Variants in RNGTT observed in about 807,000 individuals in gnomAD.
RNGTT encodes the protein RNA guanylyltransferase and 5'-phosphatase, also known as mRNA-capping enzyme.
RNGTT carries 33 observed loss-of-function variants against 79.3 expected under a neutral mutation model. That is an observed-to-expected ratio of 0.42 (90% confidence interval 0.32 to 0.56). The LOEUF (loss-of-function observed/expected upper bound fraction) is 0.56. Among genes scored for constraint, RNGTT ranks in the 20% least tolerant of loss-of-function variants. The probability of loss-of-function intolerance (pLI) is 0.17; values close to 1 mark genes in which losing one functional copy is unlikely to be tolerated. For synonymous variants in RNGTT, 222 were observed against 235.9 expected (o/e 0.94, Z 0.54); for missense variants, 497 against 739.1 (o/e 0.67, Z 3.80).
intron 11 of RNGTT, among the ~76,000 whole-genome samples, chr6:88,823,221 G>A (rs1162558125): frequency 6.6e-6 from 1 of 152,142 alleles, no homozygotes; most frequent in African/African-American, 2.4e-5. Flanking sequence ...AAGGTCAGGA[G>A]TTCGAGACCA....
chr6:88,614,589 G>A (rs897429741), intron 14 of RNGTT, among the ~76,000 whole-genome samples, 194 bp from the exon 15 acceptor site: 2 of 152,124 alleles, frequency 1.3e-5, no homozygotes, highest in African/African-American at 4.8e-5. Flanking sequence ...TCACTTATCC[G>A]ACATTTTATA....
At chr6:88,877,523 G>A (rs1782555701) in intron 8 of RNGTT, among the ~76,000 whole-genome samples, 1 of 152,110 alleles carries the variant, frequency 6.6e-6, no homozygotes, top group Admixed American at 6.6e-5. Flanking sequence ...AGTTTCCTAT[G>A]ATGGTAGCGC....
rs553444085 is a variant in RNGTT at position 88,937,499 on chromosome 6, C to A, written c.174+3572G>T. 3.9e-5 allele frequency among the ~76,000 whole-genome samples: 6 copies of A among 151,994 alleles called. No homozygotes were observed. The East Asian group carries it at 7.7e-4, about 20-fold the overall frequency. On this transcript the variant is annotated intron_variant, in intron 2 of 15. Transcript: ENST00000369485. ...GATTTGGTTTATCCTTTCAAAAAAACCAACTTTTCATTTTGTTGATTCTTT... is the reference window on the plus strand; with the variant it reads ...GATTTGGTTTATCCTTTCAAAAAAAACAACTTTTCATTTTGTTGATTCTTT...
rs905094166 is a variant in RNGTT, at chr6:88,764,734, C to T, written c.1439+5040G>A. On this transcript the variant is annotated intron_variant, in intron 13 of 15. Transcript: ENST00000369485. ...ATGTAGAAGACAAACAACATCTCTC[C>T]TTTCACAAAATTGGAGCATATTTTC... Among the ~76,000 whole-genome samples, 4 of 152,150 alleles carry T rather than the reference C, an allele frequency of 2.6e-5. No homozygotes were observed. In the East Asian group the frequency reaches 5.8e-4, roughly 22 times the overall value.
At chr6:88,620,030 C>T (rs945658548) in intron 14 of RNGTT, among the ~76,000 whole-genome samples, 3 of 152,180 alleles carry the variant, frequency 2.0e-5, no homozygotes, top group Non-Finnish European at 4.4e-5. Flanking sequence ...AAGTAAAATA[C>T]GTGTCACGTT....
In RNGTT at chr6:88,896,888, C is replaced by A. The variant is rs183165819; in HGVS notation, c.685-4973G>T. On this transcript the variant is annotated intron_variant, in intron 6 of 15. Transcript: ENST00000369485. Reference sequence around the variant, plus strand: ...GAAATAACTCGACCTGTTGTACAACCTTTACAATAGGTCATCTCATTTACA... The same window carrying A: ...GAAATAACTCGACCTGTTGTACAACATTTACAATAGGTCATCTCATTTACA... 1.8e-3 allele frequency among the ~76,000 whole-genome samples: 278 copies of A among 152,244 alleles called. 3 individuals are homozygous for A. The highest frequency in any genetic ancestry group is 6.5e-3 in the African/African-American group (272 of 41,564).
At chr6:88,657,734 G>C (rs1007409052) in intron 14 of RNGTT, among the ~76,000 whole-genome samples, 1 of 152,122 alleles carries the variant, frequency 6.6e-6, no homozygotes, top group African/African-American at 2.4e-5. Context: ...ACAGTGGGAG[G>C]AAGACTGGCA....
At chr6:88,756,196 C>T (rs1417921874) in intron 13 of RNGTT, among the ~76,000 whole-genome samples, 1 of 151,728 alleles carries the variant, frequency 6.6e-6, no homozygotes, top group Non-Finnish European at 1.5e-5. Flanking sequence ...AAAATTAGGC[C>T]GGGCTTGGTG....
chr6:88,861,584 A>T (rs1398436532), intron 8 of RNGTT, among the ~76,000 whole-genome samples: 1 of 152,206 alleles, frequency 6.6e-6, no homozygotes, highest in Non-Finnish European at 1.5e-5. Flanking sequence ...CTTTTTAAAA[A>T]GAAAAAACGT....
At chr6:88,837,079 A>C (rs1045103285) in intron 11 of RNGTT, among the ~76,000 whole-genome samples, 1 of 152,164 alleles carries the variant, frequency 6.6e-6, no homozygotes, top group African/African-American at 2.4e-5. Context: ...CTAAAAAAGC[A>C]GGTAATTCCA....
chr6:88,755,317 T>C (rs1432806706), intron 13 of RNGTT, among the ~76,000 whole-genome samples: 5 of 152,122 alleles, frequency 3.3e-5, no homozygotes, highest in Non-Finnish European at 7.4e-5. Flanking sequence ...TCTTGCAGTA[T>C]ATAAATGCCA....
At chr6:88,652,335 A>G (rs1413554959) in intron 14 of RNGTT, among the ~76,000 whole-genome samples, 1 of 152,174 alleles carries the variant, frequency 6.6e-6, no homozygotes, top group African/African-American at 2.4e-5. Context: ...TGAACTGCAA[A>G]CTTGTCATTT....
At chr6:88,913,986 A>G (rs1309050728) in intron 4 of RNGTT, among the ~76,000 whole-genome samples, 2 of 152,180 alleles carry the variant, frequency 1.3e-5, no homozygotes, top group African/African-American at 4.8e-5. Flanking sequence ...TCTATAAACC[A>G]ATGATGTTCA....
intron 2 of RNGTT, among the ~76,000 whole-genome samples, chr6:88,938,655 T>C (rs1024628676): frequency 2.0e-5 from 3 of 152,202 alleles, no homozygotes; most frequent in Non-Finnish European, 4.4e-5. Flanking sequence ...TATTGTGTAG[T>C]GGTAACATTT....
intron 15 of RNGTT, 103 bp downstream of exon 15, chr6:88,614,169 G>C: frequency 9.3e-7 from 1 of 1,078,066 alleles, no homozygotes. Context: ...AAGTCCAAAT[G>C]ACTATGCCCC....
At chr6:88,916,364 T>C (rs949747884) in intron 4 of RNGTT, among the ~76,000 whole-genome samples, 5 of 152,096 alleles carry the variant, frequency 3.3e-5, no homozygotes, top group African/African-American at 1.2e-4. Context: ...TCCCAGCTAC[T>C]AAAGAGGCTG....
intron 2 of RNGTT, among the ~76,000 whole-genome samples, chr6:88,940,088 T>G (rs1393925242): frequency 6.6e-6 from 1 of 150,916 alleles, no homozygotes; most frequent in Non-Finnish European, 1.5e-5. Flanking sequence ...TCTTTTCTTT[T>G]TTTTTGAGAC....
In RNGTT at chr6:88,779,980, T is replaced by G. The variant is rs1309567517; in HGVS notation, c.1339-10106A>C. Among the ~76,000 whole-genome samples the G allele has an allele frequency of 1.5e-4, 23 of 152,192 alleles. 1 individual carries two copies. Among genetic ancestry groups the G allele is most frequent in the African/African-American group, 2.4e-5 (1 of 41,436 alleles). ...CTGCACGCCAGCCTGGGCAATAGGG[T>G]GAGACTCTGTCTCAAATAAATAAAT... On this transcript the variant is annotated intron_variant, in intron 12 of 15. Transcript: ENST00000369485.
intron 8 of RNGTT, among the ~76,000 whole-genome samples, chr6:88,878,653 G>C (rs143632386): frequency 2.4e-4 from 36 of 152,032 alleles, no homozygotes; most frequent in Non-Finnish European, 4.9e-4. Flanking sequence ...TAAATAATAA[G>C]ATAGGAGATA....
Sources: gnomAD v4.1 joint callset for allele counts (sites outside exome capture counted in the v4.1 genomes callset) on GRCh38, gnomAD v4.1.1 for gene constraint, MANE v1.5 for transcripts, NCBI Gene and HGNC (gene_info 2026-07-23, HGNC 2026-07-21) for gene names.